Variants in PARD3B observed in about 807,000 individuals in gnomAD.
PARD3B encodes partitioning defective 3 homolog B.
PARD3B carries 103 observed loss-of-function variants against 130.2 expected under a neutral mutation model. The ratio of observed to expected loss-of-function variants is 0.79; its 90% CI spans 0.67 to 0.93. The LOEUF (loss-of-function observed/expected upper bound fraction) is 0.93. PARD3B is among the 40% of genes least tolerant of loss of function. The pLI is 0.00. For synonymous variants in PARD3B, 583 were observed against 553.2 expected, an observed-to-expected ratio of 1.05 and a Z score of -0.76; for missense variants, 1,609 against 1,499.2, an observed-to-expected ratio of 1.07 and a Z score of -1.21.
In PARD3B at chr2:205,269,195, CAG is replaced by C. The variant is rs1272186255; in HGVS notation, c.2185+23375_2185+23376del. Among the ~76,000 whole-genome samples the C allele has an allele frequency of 6.6e-6, 1 of 152,090 alleles. No individual in the cohort carries two copies. On this transcript the variant is annotated intron_variant, in intron 16 of 22. Transcript: ENST00000406610. This position sits in a 1 kb window ranked among gnomAD's most constrained non-coding sequence, Gnocchi z 4.7. ...CAGACTGGATAAATTCCTACCTAAACAGAAACTAACTTTATTGTAATTTTCTA... is the reference window on the plus strand; with the variant it reads ...CAGACTGGATAAATTCCTACCTAAACAAACTAACTTTATTGTAATTTTCTA...
chr2:205,597,805 A>G (rs939703153), intron 22 of PARD3B, among the ~76,000 whole-genome samples: 9 of 152,232 alleles, frequency 5.9e-5, no homozygotes, highest in Non-Finnish European at 1.5e-5. Context: ...CTTAAAAACC[A>G]GAAGAGACTG....
chr2:205,380,550 A>AAG lies in PARD3B; in HGVS notation c.2631-20463_2631-20462insAG, dbSNP rs2045325518. 1.6e-3 allele frequency among the ~76,000 whole-genome samples: 4 copies of AAG among 2,538 alleles called. 1 individual carries two copies. The highest frequency in any genetic ancestry group is 3.7e-3 in the African/African-American group (3 of 812). 1.7% of individuals were successfully genotyped at this position (2,538 alleles called of 152,430 possible). ...ATATATTATATATAATATATAAAGA[A>AAG]TATATATTATATATAATATATAAAG... On this transcript the variant is annotated intron_variant, in intron 18 of 22. Coordinates refer to ENST00000406610, the MANE Select transcript of PARD3B (RefSeq NM_001302769.2).
chr2:205,508,151 G>A (rs1420500538), intron 21 of PARD3B, among the ~76,000 whole-genome samples: 1 of 152,302 alleles, frequency 6.6e-6, no homozygotes, highest in African/African-American at 2.4e-5. Flanking sequence ...AAGGACTAAA[G>A]TTGCTCTCTT....
intron 2 of PARD3B, among the ~76,000 whole-genome samples, chr2:204,698,229 T>G (rs1344596222): frequency 1.3e-5 from 2 of 152,174 alleles, no homozygotes; most frequent in Non-Finnish European, 2.9e-5. Flanking sequence ...TAGGCTCTAT[T>G]TTTTGGGCTC....
intron 3 of PARD3B, among the ~76,000 whole-genome samples, chr2:204,980,335 C>T (rs1692555547): frequency 6.6e-6 from 1 of 152,098 alleles, no homozygotes; most frequent in Non-Finnish European, 1.5e-5. Flanking sequence ...TGAGCCCATA[C>T]TGATATAAGT....
In PARD3B at chr2:205,550,038, T is replaced by C. The variant is rs2052549091; in HGVS notation, c.3181-3286T>C. ...ATAGTTGCTAGTTAGTAGTATTCTT[T>C]TCTTCATACCTTGTTTCTACCTTTG... On this transcript the variant is annotated intron_variant, in intron 21 of 22. Transcript: ENST00000406610. This position sits in a 1 kb window ranked among gnomAD's most constrained non-coding sequence, Gnocchi z 4.5. Among the ~76,000 whole-genome samples the C allele has an allele frequency of 1.3e-5, 2 of 152,188 alleles. No homozygotes were observed. The highest frequency in any genetic ancestry group is 6.6e-5 in the Admixed American group (1 of 15,264).
Position 205,507,449 on chromosome 2 carries a change from C to T in PARD3B, c.3180+7418C>T, listed in dbSNP as rs1052708135. ...CAGAATGGTCTCGATCTCCTGACCT[C>T]GTGATCTGCCTGCCTCGGCCTCCCA... On this transcript the variant is annotated intron_variant, in intron 21 of 22. Transcript: ENST00000406610. Among the ~76,000 whole-genome samples, 9 of 151,836 alleles carry T rather than the reference C, an allele frequency of 5.9e-5. 1 individual carries two copies. The highest frequency in any genetic ancestry group is 1.3e-4 in the Non-Finnish European group (9 of 67,960).
At position 204,578,778 on chromosome 2, in the gene PARD3B, G is replaced by A. The variant is rs116454730; in HGVS notation, c.120+32659G>A. 8.5e-3 allele frequency among the ~76,000 whole-genome samples: 1,292 copies of A among 152,168 alleles called. 10 individuals are homozygous for A. Among genetic ancestry groups the A allele is most frequent in the Non-Finnish European group, 0.012 (841 of 68,014 alleles). ...TACGTTGCTGTTTGTGGATGTTTCC[G>A]GAGATCACGGTTAAAATCTTGAACT... On this transcript the variant is annotated intron_variant, in intron 1 of 22. Transcript: ENST00000406610.
At chr2:204,731,789 A>T (rs1195736083) in intron 2 of PARD3B, among the ~76,000 whole-genome samples, 1 of 152,192 alleles carries the variant, frequency 6.6e-6, no homozygotes, top group Non-Finnish European at 1.5e-5. Context: ...GAGGAAAGTT[A>T]CATTGGTTTT....
rs556364414 is a variant in PARD3B at position 205,274,673 on chromosome 2, G to A, written c.2186-25857G>A. Among the ~76,000 whole-genome samples the A allele has an allele frequency of 7.2e-5, 11 of 151,730 alleles. No homozygotes were observed. Among genetic ancestry groups the A allele is most frequent in the Admixed American group, 4.6e-4 (7 of 15,228 alleles). ...GAATATTAATATCAATTATCTACCT[G>A]AATATTTCTATCTGAATATTAATTC... On this transcript the variant is annotated intron_variant, in intron 16 of 22. Transcript: ENST00000406610. This position sits in a 1 kb window ranked among gnomAD's most constrained non-coding sequence, Gnocchi z 4.2.
At chr2:205,156,271 C>A (rs866081715) in intron 10 of PARD3B, among the ~76,000 whole-genome samples, 1 of 75,606 alleles carries the variant, frequency 1.3e-5, no homozygotes, top group Non-Finnish European at 2.6e-5. Flanking sequence ...GTGGGGTGGG[C>A]GGGGGGGGGA....
intron 2 of PARD3B, among the ~76,000 whole-genome samples, chr2:204,873,907 C>T (rs2045736022): frequency 6.6e-6 from 1 of 152,100 alleles, no homozygotes; most frequent in Non-Finnish European, 1.5e-5. Flanking sequence ...CTTTGGGAGG[C>T]TGAGGGGAGC....
In PARD3B at chr2:204,764,715, CGTGTGTGTGTGT is replaced by C. The variant is rs10522212; in HGVS notation, c.222+78450_222+78461del. Among the ~76,000 whole-genome samples the C allele has an allele frequency of 6.2e-5, 9 of 145,750 alleles. No individual in the cohort carries two copies. In the South Asian group the frequency reaches 1.8e-3, roughly 29 times the overall value. On this transcript the variant is annotated intron_variant, in intron 2 of 22. Transcript: ENST00000406610. ...CAGCAGGCTGAATCTGGCATGCATG[CGTGTGTGTGTGT>C]GTGTGTGTGTGTGTGTAGTTAATTT...
At chr2:205,070,193 A>G (rs1009519358) in intron 4 of PARD3B, among the ~76,000 whole-genome samples, 21 of 152,192 alleles carry the variant, frequency 1.4e-4, no homozygotes, top group Admixed American at 2.6e-4. Flanking sequence ...TGCAAGACAG[A>G]AGCTATGACA....
chr2:205,033,387 A>G (rs979483975), intron 3 of PARD3B, among the ~76,000 whole-genome samples: 2 of 152,152 alleles, frequency 1.3e-5, no homozygotes, highest in Admixed American at 6.6e-5. Context: ...AAAAAATGCT[A>G]TAGATTATCT....
intron 16 of PARD3B, among the ~76,000 whole-genome samples, chr2:205,295,474 G>A (rs749696323): frequency 3.9e-5 from 6 of 152,098 alleles, no homozygotes; most frequent in South Asian, 4.1e-4. Flanking sequence ...ACTAAGTGCC[G>A]TGAGGGCCAT....
At position 205,421,160 on chromosome 2, in the gene PARD3B, G is replaced by A. The variant is rs2046959208; in HGVS notation, c.2742-19210G>A. The stretch of plus-strand genomic sequence containing the variant: ...ACAAAAAAAACAAAACAAAAAAAAC[G>A]GAAAAGAAAATATGTGCTGTATATT... On this transcript the variant is annotated intron_variant, in intron 19 of 22. Transcript: ENST00000406610. This position sits in a 1 kb window ranked among gnomAD's most constrained non-coding sequence, Gnocchi z 5.1. Among the ~76,000 whole-genome samples the A allele has an allele frequency of 4.0e-5, 6 of 151,822 alleles. No homozygotes were observed. Among genetic ancestry groups the A allele is most frequent in the Admixed American group, 2.6e-4 (4 of 15,206 alleles).
chr2:205,100,089 A>G (rs960904738), intron 4 of PARD3B, among the ~76,000 whole-genome samples: 35 of 152,136 alleles, frequency 2.3e-4, no homozygotes, highest in African/African-American at 6.8e-4. Flanking sequence ...GTTGATATGA[A>G]TAGAATCTTT....
chr2:205,581,285 T>TAGATAGATAG (rs1212305648), intron 22 of PARD3B, among the ~76,000 whole-genome samples: 6 of 79,706 alleles, frequency 7.5e-5, no homozygotes, highest in African/African-American at 2.0e-4. Context: ...GATATAGATA[T>TAGATAGATAG]ATAGATAGAT....
Sources: gnomAD v4.1 joint callset for allele counts (sites outside exome capture counted in the v4.1 genomes callset) on GRCh38, gnomAD v4.1.1 for gene constraint, Gnocchi (gnomAD v3.1) non-coding constraint, MANE v1.5 for transcripts, NCBI Gene and HGNC (gene_info 2026-07-23, HGNC 2026-07-21) for gene names.